ZC3H12B: variants seen among roughly 807,000 people sequenced by gnomAD.
ZC3H12B encodes the protein probable ribonuclease ZC3H12B.
Under a neutral mutation model 43.9 loss-of-function variants are expected in ZC3H12B, and 7 were observed. The observed-to-expected ratio is 0.16, with a 90% CI of 0.09 to 0.30. The LOEUF (loss-of-function observed/expected upper bound fraction) is 0.30. Ranked by LOEUF, ZC3H12B falls within the 10% of genes least tolerant of loss-of-function variation. ZC3H12B has a pLI of 1.00. For missense variants in ZC3H12B, 475 were observed against 670.2 expected (o/e 0.71, Z 3.22); for synonymous variants, 222 against 241.7 (o/e 0.92, Z 0.76).
intron 4 of ZC3H12B, among the ~76,000 whole-genome samples, chrX:65,500,393 C>T (rs2068348028): frequency 8.9e-6 from 1 of 112,367 alleles, no homozygotes; most frequent in Non-Finnish European, 1.9e-5. Flanking sequence ...TTAATACTAA[C>T]CTTTCCTTTA....
the ZC3H12B span, among the ~76,000 whole-genome samples, chrX:65,341,841 C>A: frequency 9.1e-6 from 1 of 110,199 alleles, no homozygotes; most frequent in Non-Finnish European, 1.9e-5. Flanking sequence ...ATCATGATGA[C>A]AGGATCAAAT....
At chrX:65,435,812 T>C (rs192558742) in intron 3 of ZC3H12B, among the ~76,000 whole-genome samples, 3 of 111,529 alleles carry the variant, frequency 2.7e-5, no homozygotes, top group Middle Eastern at 4.6e-3. Flanking sequence ...GAGAAGACAA[T>C]AGGTTAGCCC....
chrX:65,187,958 C>G, the ZC3H12B span, among the ~76,000 whole-genome samples: 2 of 111,154 alleles, frequency 1.8e-5, no homozygotes, highest in Non-Finnish European at 3.8e-5. Flanking sequence ...CCTCCAACCA[C>G]TATCTTTCTC....
the ZC3H12B span, among the ~76,000 whole-genome samples, chrX:65,165,426 C>T: frequency 8.9e-6 from 1 of 112,046 alleles, no homozygotes; most frequent in East Asian, 2.8e-4. Flanking sequence ...GCTCACACTT[C>T]ATTTGCCCCA....
the ZC3H12B span, among the ~76,000 whole-genome samples, chrX:65,042,897 G>A: frequency 8.1e-5 from 9 of 111,493 alleles, no homozygotes; most frequent in African/African-American, 2.9e-4. Context: ...ACACCCCTGG[G>A]GCTATAGGGT....
At chrX:65,443,464 A>G (rs1333429242) in intron 3 of ZC3H12B, among the ~76,000 whole-genome samples, 1 of 112,105 alleles carries the variant, frequency 8.9e-6, no homozygotes, top group Non-Finnish European at 1.9e-5. Context: ...CAGGGGTCTC[A>G]CAGCCTTCAG....
the ZC3H12B span, among the ~76,000 whole-genome samples, chrX:65,166,411 A>G: frequency 9.0e-6 from 1 of 111,721 alleles, no homozygotes; most frequent in African/African-American, 3.3e-5. Flanking sequence ...TCCATGGTGT[A>G]TATGTGCCAC....
chrX:65,230,086 G>A, the ZC3H12B span, among the ~76,000 whole-genome samples: 18 of 110,976 alleles, frequency 1.6e-4, no homozygotes, highest in African/African-American at 4.9e-4. Flanking sequence ...ACATGCACAC[G>A]TATGTTTATT....
At chrX:65,457,656 G>A (rs1467565909) in intron 3 of ZC3H12B, among the ~76,000 whole-genome samples, 4 of 74,732 alleles carry the variant, frequency 5.4e-5, no homozygotes, top group East Asian at 7.1e-4. Context: ...TTGAGAAATC[G>A]GATGGTTGCC....
chrX:65,319,234 C>A, the ZC3H12B span, among the ~76,000 whole-genome samples: 1 of 111,076 alleles, frequency 9.0e-6, no homozygotes, highest in Non-Finnish European at 1.9e-5. Context: ...TCAGAAATGA[C>A]AAAGGGGATA....
chrX:65,492,621 C>T (rs777571660), intron 1 of ZC3H12B, among the ~76,000 whole-genome samples: 78 of 112,040 alleles, frequency 7.0e-4, no homozygotes, highest in African/African-American at 2.5e-3. Context: ...ATTTATTCTG[C>T]AATCACATTT....
At chrX:65,153,183 A>T in the ZC3H12B span, among the ~76,000 whole-genome samples, 42 of 111,949 alleles carry the variant, frequency 3.8e-4, no homozygotes, top group South Asian at 7.5e-4. Context: ...GCAAGGACTT[A>T]ATGTCTAAAA....
At chrX:65,076,016 C>T in the ZC3H12B span, among the ~76,000 whole-genome samples, 4 of 111,596 alleles carry the variant, frequency 3.6e-5, no homozygotes, top group Non-Finnish European at 7.5e-5. Flanking sequence ...TGAAGGGAAT[C>T]GATCTGTGTA....
At chrX:65,295,944 G>T in the ZC3H12B span, among the ~76,000 whole-genome samples, 3 of 111,054 alleles carry the variant, frequency 2.7e-5, no homozygotes, top group Non-Finnish European at 5.7e-5. Context: ...ATCCAGAAAG[G>T]GTGTGGAGAT....
the ZC3H12B span, among the ~76,000 whole-genome samples, chrX:65,131,216 A>T: frequency 9.0e-6 from 1 of 111,626 alleles, no homozygotes; most frequent in Non-Finnish European, 1.9e-5. Context: ...GGAAGATACT[A>T]TAGCATAGCC....
chrX:65,207,902 A>C, the ZC3H12B span, among the ~76,000 whole-genome samples: 2 of 19,372 alleles, frequency 1.0e-4, no homozygotes, highest in East Asian at 2.7e-3. Flanking sequence ...CATCCCTTGT[A>C]AGTTGGATTC....
the ZC3H12B span, among the ~76,000 whole-genome samples, chrX:65,198,772 C>G: frequency 8.1e-4 from 90 of 111,537 alleles, no homozygotes; most frequent in Non-Finnish European, 1.3e-3. Flanking sequence ...TGTTATTATC[C>G]CTTTTAATAA....
the ZC3H12B span, among the ~76,000 whole-genome samples, chrX:65,076,158 CT>C: frequency 5.3e-4 from 55 of 103,763 alleles, no homozygotes; most frequent in East Asian, 1.2e-3. Flanking sequence ...TCTCTTCTTT[CT>C]TTTTTTTTTT....
the ZC3H12B span, among the ~76,000 whole-genome samples, chrX:65,337,240 G>A: frequency 9.0e-6 from 1 of 111,729 alleles, no homozygotes; most frequent in Non-Finnish European, 1.9e-5. Flanking sequence ...GGTCTCCTCA[G>A]TATCGTCCCT....
Sources: allele counts gnomAD v4.1 joint callset (sites outside exome capture counted in the v4.1 genomes callset), GRCh38; gene constraint gnomAD v4.1.1; transcripts MANE v1.5; gene names NCBI Gene and HGNC (gene_info 2026-07-23, HGNC 2026-07-21).